GABRG3: variants seen among roughly 807,000 people sequenced by gnomAD.
The protein encoded by GABRG3 is gamma-aminobutyric acid type A receptor subunit gamma3.
GABRG3 carries 25 observed loss-of-function variants against 48.8 expected under a neutral mutation model. The observed-to-expected ratio is 0.51, with a 90% confidence interval of 0.37 to 0.72. The LOEUF (loss-of-function observed/expected upper bound fraction) is 0.72, where lower values mean the gene tolerates loss of function less well. Among genes scored for constraint, GABRG3 ranks in the 30% least tolerant of loss-of-function variants. The probability of loss-of-function intolerance (pLI) is 0.00; values close to 1 mark genes in which losing one functional copy is unlikely to be tolerated. For synonymous variants in GABRG3, 227 were observed against 217.6 expected, an observed-to-expected ratio of 1.04 and a Z score of -0.38; for missense variants, 394 against 577.9, an observed-to-expected ratio of 0.68 and a Z score of 3.26.
At chr15:27,366,664 C>G (rs1895210970) in intron 5 of GABRG3, among the ~76,000 whole-genome samples, 1 of 152,088 alleles carries the variant, frequency 6.6e-6, no homozygotes, top group African/African-American at 2.4e-5. Flanking sequence ...AGTCCTGGTC[C>G]TCTCACAGAT....
At chr15:27,133,029 A>G (rs974761978) in intron 3 of GABRG3, among the ~76,000 whole-genome samples, 1 of 151,852 alleles carries the variant, frequency 6.6e-6, no homozygotes, top group Non-Finnish European at 1.5e-5. Context: ...GATATTTTCT[A>G]ATTTCTCTTA....
intron 5 of GABRG3, among the ~76,000 whole-genome samples, chr15:27,367,022 G>A (rs778744369): frequency 2.0e-5 from 3 of 152,136 alleles, no homozygotes; most frequent in Non-Finnish European, 2.9e-5. Context: ...GGGTCCCCCA[G>A]AGGCACCAAG....
intron 3 of GABRG3, among the ~76,000 whole-genome samples, chr15:27,251,544 G>C (rs1379749693): frequency 6.6e-6 from 1 of 152,122 alleles, no homozygotes; most frequent in Non-Finnish European, 1.5e-5. Context: ...CATATAAGTA[G>C]TACCATTTTG....
chr15:27,338,736 T>C (rs997169447), intron 5 of GABRG3, among the ~76,000 whole-genome samples: 17 of 152,200 alleles, frequency 1.1e-4, no homozygotes, highest in African/African-American at 4.1e-4. Flanking sequence ...TATCAGGCTT[T>C]GCAATATTGA....
At chr15:27,247,647 C>G (rs1294473673) in intron 3 of GABRG3, among the ~76,000 whole-genome samples, 2 of 152,178 alleles carry the variant, frequency 1.3e-5, no homozygotes, top group Non-Finnish European at 2.9e-5. Flanking sequence ...TAAAGACGTA[C>G]TGGAGACTAG....
intron 3 of GABRG3, among the ~76,000 whole-genome samples, chr15:27,243,985 A>G (rs939989434): frequency 1.3e-5 from 2 of 152,224 alleles, no homozygotes; most frequent in Non-Finnish European, 2.9e-5. Flanking sequence ...TACTAAGTAT[A>G]GGGTGTGCAA....
intron 6 of GABRG3, among the ~76,000 whole-genome samples, chr15:27,494,056 T>C (rs1890422793): frequency 6.6e-6 from 1 of 152,186 alleles, no homozygotes; most frequent in Non-Finnish European, 1.5e-5. Context: ...TGTGATCATA[T>C]GATTTTTTTC....
At chr15:27,276,129 G>T (rs1475768545) in intron 3 of GABRG3, among the ~76,000 whole-genome samples, 2 of 152,188 alleles carry the variant, frequency 1.3e-5, no homozygotes, top group Admixed American at 6.5e-5. Context: ...CTTGCATTTG[G>T]CAGAGACTTA....
intron 3 of GABRG3, among the ~76,000 whole-genome samples, chr15:27,050,842 C>T (rs11263702): frequency 6.6e-6 from 1 of 152,104 alleles, no homozygotes; most frequent in South Asian, 2.1e-4. Context: ...TTAAGCATTA[C>T]AATTTATTAC....
intron 3 of GABRG3, among the ~76,000 whole-genome samples, chr15:27,213,125 G>C (rs540587251): frequency 6.6e-6 from 1 of 152,264 alleles, no homozygotes; most frequent in East Asian, 1.9e-4. Flanking sequence ...GTTTAGCTTA[G>C]AGATGTGACT....
At chr15:27,145,380 G>C (rs1898179872) in intron 3 of GABRG3, among the ~76,000 whole-genome samples, 1 of 151,880 alleles carries the variant, frequency 6.6e-6, no homozygotes, top group African/African-American at 2.4e-5. Flanking sequence ...TAAAATTCTA[G>C]AGTTGAAACA....
At chr15:27,117,772 A>G (rs914762212) in intron 3 of GABRG3, among the ~76,000 whole-genome samples, 3 of 152,220 alleles carry the variant, frequency 2.0e-5, no homozygotes, top group Non-Finnish European at 4.4e-5. Context: ...GACAACAATA[A>G]TAACCAATAA....
intron 6 of GABRG3, among the ~76,000 whole-genome samples, chr15:27,519,540 AG>A (rs1432966656): frequency 2.0e-5 from 3 of 152,242 alleles, no homozygotes; most frequent in Admixed American, 6.5e-5. Context: ...TGGTTACACA[AG>A]TTTATGTAAG....
chr15:26,984,016 C>G (rs1489831161), intron 2 of GABRG3, among the ~76,000 whole-genome samples: 1 of 152,114 alleles, frequency 6.6e-6, no homozygotes. Flanking sequence ...GTTGTCGCCC[C>G]CTACAGGAAG....
chr15:27,174,583 CG>C lies in GABRG3; in HGVS notation c.270+147763del, dbSNP rs374347878. On this transcript the variant is annotated intron_variant, in intron 3 of 9. Transcript: ENST00000615808. ...TGGACCAGTGACTGCCTCTCTCTCT[CG>C]TCTCTCTCTCTCTCTCTCTCTCTCT... 9.3e-3 allele frequency among the ~76,000 whole-genome samples: 1,136 copies of C among 121,758 alleles called. 15 individuals are homozygous for C. The highest frequency in any genetic ancestry group is 0.045 in the African/African-American group (1,069 of 23,498). 79.9% of individuals were successfully genotyped at this position (121,758 alleles called of 152,430 possible). A position where few individuals can be genotyped will look rare whatever the true frequency, so the allele number is the denominator to read the frequency against.
intron 3 of GABRG3, among the ~76,000 whole-genome samples, chr15:27,228,278 A>G (rs1005225338): frequency 6.6e-5 from 10 of 152,178 alleles, no homozygotes; most frequent in Non-Finnish European, 1.3e-4. Context: ...GTGAGTTCTC[A>G]TCATTTAGCT....
At chr15:27,296,057 C>T (rs1891973598) in intron 3 of GABRG3, among the ~76,000 whole-genome samples, 1 of 152,170 alleles carries the variant, frequency 6.6e-6, no homozygotes. Context: ...AGGAGTAGAG[C>T]TCTTGCCCTT....
intron 5 of GABRG3, among the ~76,000 whole-genome samples, chr15:27,339,931 A>G (rs1037726825): frequency 1.3e-5 from 2 of 152,106 alleles, no homozygotes; most frequent in South Asian, 2.1e-4. Context: ...CCCTTCCTCA[A>G]ACATCCCAGA....
At chr15:27,427,904 A>C (rs376582862) in intron 5 of GABRG3, among the ~76,000 whole-genome samples, 1 of 152,094 alleles carries the variant, frequency 6.6e-6, no homozygotes, top group African/African-American at 2.4e-5. Context: ...TATTTTTGAG[A>C]CATGGACTCG....
Sources: gnomAD v4.1 joint callset for allele counts (sites outside exome capture counted in the v4.1 genomes callset) on GRCh38, gnomAD v4.1.1 for gene constraint, MANE v1.5 for transcripts, NCBI Gene and HGNC (gene_info 2026-07-23, HGNC 2026-07-21) for gene names.